Variants in PHIP observed in about 807,000 individuals in gnomAD.
PHIP encodes PHIP subunit of CUL4-Ring ligase complex.
PHIP carries 54 observed loss-of-function variants against 236.8 expected under a neutral mutation model. That is an observed-to-expected ratio of 0.23 (90% confidence interval 0.18 to 0.29). The LOEUF is 0.29. Ranked by LOEUF, PHIP falls within the 10% of genes least tolerant of loss-of-function variation. The pLI is 1.00. For synonymous variants in PHIP, 756 were observed against 718.9 expected, an observed-to-expected ratio of 1.05 and a Z score of -0.83; for missense variants, 1,370 against 2,190.8, an observed-to-expected ratio of 0.63 and a Z score of 7.48.
chr6:78,964,222 A>AT (rs1562129902), intron 29 of PHIP, among the ~76,000 whole-genome samples: 1 of 152,098 alleles, frequency 6.6e-6, no homozygotes, highest in African/African-American at 2.4e-5. Context: ...TAGCAGTGAG[A>AT]TAAAAAAAAA....
At chr6:78,996,080 G>A (rs1769596344) in intron 19 of PHIP, among the ~76,000 whole-genome samples, 2 of 152,300 alleles carry the variant, frequency 1.3e-5, no homozygotes, top group Admixed American at 6.5e-5. Flanking sequence ...CCATGTGCAG[G>A]AGCCTCAACC....
At chr6:78,948,601 C>G (rs1276307551) in intron 35 of PHIP, among the ~76,000 whole-genome samples, 2 of 152,102 alleles carry the variant, frequency 1.3e-5, no homozygotes, top group African/African-American at 4.8e-5. Context: ...CTCAAGCAAC[C>G]TTCCCACCTC....
At chr6:78,951,123 C>T (rs918388399) in intron 35 of PHIP, among the ~76,000 whole-genome samples, 19 of 152,042 alleles carry the variant, frequency 1.2e-4, no homozygotes, top group East Asian at 7.7e-4. Flanking sequence ...TGGGCTCTTT[C>T]GTTAACAAGT....
chr6:78,979,274 G>A (rs1299970560), intron 23 of PHIP, among the ~76,000 whole-genome samples: 1 of 151,946 alleles, frequency 6.6e-6, no homozygotes, highest in Non-Finnish European at 1.5e-5. Context: ...GAACTAACTA[G>A]AAGCAAAACC....
At chr6:78,972,070 G>A (rs1176724302) in intron 24 of PHIP, among the ~76,000 whole-genome samples, 1 of 152,066 alleles carries the variant, frequency 6.6e-6, no homozygotes, top group Non-Finnish European at 1.5e-5. Flanking sequence ...CCACCTCTGG[G>A]GGCAGGGCAC....
At position 78,969,904 on chromosome 6, in the gene PHIP, G is replaced by T; in HGVS notation, c.3136C>A (p.Pro1046Thr). The stretch of plus-strand genomic sequence containing the variant: ...AAGACTAGGAAATCTATAACGTCAG[G>T]CATATCATGGTATCTAATTACAAAC... ...GSFTMKYHDM[P>T]DVIDFLVLRQ... Residue 1046 changes from proline to threonine, a missense_variant, in exon 27 of 40, where the codon CCT (proline) becomes ACT (threonine). By Grantham distance (38) the Pro-to-Thr change is conservative (BLOSUM62 -1). Coordinates refer to ENST00000275034, the MANE Select transcript of PHIP (RefSeq NM_017934.7). 1 of 1,596,152 alleles carries T rather than the reference G, an allele frequency of 6.3e-7. No individual in the cohort carries two copies. Among genetic ancestry groups the T allele is most frequent in the Non-Finnish European group, 8.6e-7 (1 of 1,166,932 alleles).
In PHIP at chr6:78,940,919, T is replaced by C; in HGVS notation, c.5240A>G (p.Asp1747Gly). 1 of 1,613,838 alleles carries C rather than the reference T, an allele frequency of 6.2e-7. No homozygotes were observed. Among genetic ancestry groups the C allele is most frequent in the Middle Eastern group, 1.6e-4 (1 of 6,062 alleles). ...CTCTTCTTCCTCATCTATAGGATCA[T>C]CTATCTTTTTTCGGTTACTTCTCCT... Reference protein sequence around the residue: ...VLRRSNRKKIDDPIDEEEEFE... With the variant: ...VLRRSNRKKIGDPIDEEEEFE... The change falls in exon 40 of 40, where the codon GAT (aspartate) becomes GGT (glycine). Residue 1747 changes from aspartate to glycine, a missense_variant. Physicochemically the swap from Asp to Gly is moderately conservative, Grantham distance 94. Around this residue, in one of 14 missense-constraint regions of PHIP, gnomAD observed 309 missense variants for 328.3 expected, o/e 0.94. Transcript: ENST00000275034.
intron 6 of PHIP, among the ~76,000 whole-genome samples, chr6:79,047,440 A>G (rs996542538): frequency 1.3e-5 from 2 of 152,224 alleles, no homozygotes; most frequent in Non-Finnish European, 2.9e-5. Flanking sequence ...AGAAAAACCC[A>G]TAATTCTATT....
intron 9 of PHIP, among the ~76,000 whole-genome samples, chr6:79,022,045 A>C (rs530941895): frequency 1.4e-3 from 213 of 152,304 alleles, no homozygotes; most frequent in African/African-American, 4.9e-3. Context: ...AAAAGATTTT[A>C]TATTTTTAAA....
In PHIP at chr6:79,003,713, T is replaced by C. The variant is rs1013325473; in HGVS notation, c.1653+17A>G. 8.3e-6 allele frequency: 13 copies of C among 1,575,424 alleles called. No homozygotes were observed. Among genetic ancestry groups the C allele is most frequent in the South Asian group, 3.5e-5 (3 of 84,750 alleles). On this transcript the variant is annotated intron_variant, in intron 16 of 39. Coordinates refer to ENST00000275034, the MANE Select transcript of PHIP (RefSeq NM_017934.7). Reference sequence around the variant, plus strand: ...TAAAAAAAAATAAGGACATGATATATAGTCATCATACTCTACCTTGTCATA... The same window carrying C: ...TAAAAAAAAATAAGGACATGATATACAGTCATCATACTCTACCTTGTCATA...
chr6:79,045,177 T>C (rs192381120), intron 6 of PHIP, among the ~76,000 whole-genome samples: 34 of 152,244 alleles, frequency 2.2e-4, no homozygotes, highest in Non-Finnish European at 4.6e-4. Flanking sequence ...ATTGACAAAC[T>C]TGTGTTAACA....
intron 19 of PHIP, among the ~76,000 whole-genome samples, chr6:78,995,875 G>A (rs188260308): frequency 4.7e-4 from 72 of 152,302 alleles, no homozygotes; most frequent in African/African-American, 1.5e-3. Flanking sequence ...AGATTCTTAG[G>A]AAGATTCCCA....
intron 21 of PHIP, among the ~76,000 whole-genome samples, chr6:78,987,241 A>T (rs1768924207): frequency 6.6e-6 from 1 of 152,012 alleles, no homozygotes; most frequent in African/African-American, 2.4e-5. Context: ...TTTAGAGGAA[A>T]CTCTTTCAAA....
chr6:79,034,975 T>G (rs949544201), intron 7 of PHIP, among the ~76,000 whole-genome samples: 4 of 152,160 alleles, frequency 2.6e-5, no homozygotes, highest in African/African-American at 7.2e-5. Context: ...GAGATAGAAC[T>G]GGCTGAAATC....
chr6:78,947,832 C>A, intron 35 of PHIP, 57 bp from the exon 36 acceptor site: 1 of 1,245,384 alleles, frequency 8.0e-7, no homozygotes, highest in South Asian at 1.3e-5. Context: ...CATCACTTCT[C>A]AGTGCAGGGA....
rs778895991 is a variant in PHIP, at chr6:78,946,094, C to A, written c.4537G>T (p.Val1513Leu). The A allele has an allele frequency of 6.2e-7, 1 of 1,613,588 alleles. No individual in the cohort carries two copies. The highest frequency in any genetic ancestry group is 1.3e-5 in the African/African-American group (1 of 74,934). Residue 1513 changes from valine to leucine, a missense_variant, in exon 38 of 40, where the codon GTA (valine) becomes TTA (leucine). This residue lies in a region of PHIP where 309 missense variants were observed against 328.3 expected (regional missense o/e 0.94). Coordinates refer to ENST00000275034, the MANE Select transcript of PHIP (RefSeq NM_017934.7). ...VVRTRSNRVV[V>L]DPVVTEQPST... Reference sequence around the variant, plus strand: ...GGTTGCTCAGTGACAACTGGATCTACAACCACTCGGTTGCTTCTGGTTCGA... The same window carrying A: ...GGTTGCTCAGTGACAACTGGATCTAAAACCACTCGGTTGCTTCTGGTTCGA...
chr6:78,949,764 C>T (rs1203509119), intron 35 of PHIP, among the ~76,000 whole-genome samples: 1 of 152,022 alleles, frequency 6.6e-6, no homozygotes, highest in Non-Finnish European at 1.5e-5. Context: ...TCTTGGCTCA[C>T]TGCAATGTCT....
chr6:79,005,959 T>C (rs965843157), intron 15 of PHIP, among the ~76,000 whole-genome samples: 2 of 151,902 alleles, frequency 1.3e-5, no homozygotes, highest in African/African-American at 4.8e-5. Flanking sequence ...AAAGAAAAAA[T>C]AGCAATCATA....
At chr6:78,964,157 G>A (rs1304613976) in intron 29 of PHIP, among the ~76,000 whole-genome samples, 2 of 152,074 alleles carry the variant, frequency 1.3e-5, no homozygotes, top group Non-Finnish European at 2.9e-5. Flanking sequence ...CATAAGCCAT[G>A]TAACATGGTT....
Sources: gnomAD v4.1 joint callset for allele counts (sites outside exome capture counted in the v4.1 genomes callset) on GRCh38, gnomAD v4.1.1 for gene constraint, gnomAD v4.1.1 regional missense constraint, MANE v1.5 for transcripts, NCBI Gene and HGNC (gene_info 2026-07-23, HGNC 2026-07-21) for gene names.